DST: variants seen among roughly 807,000 people sequenced by gnomAD.
DST encodes dystonin.
DST carries 253 observed loss-of-function variants against 875.2 expected under a neutral mutation model. The ratio of observed to expected loss-of-function variants is 0.29; its 90% CI spans 0.26 to 0.32. The LOEUF is 0.32. DST is among the 10% of genes least tolerant of loss of function. The pLI is 1.00. For synonymous variants in DST, 3,124 were observed against 3,197.1 expected, an observed-to-expected ratio of 0.98 and a Z score of 0.77; for missense variants, 8,287 against 9,111.6, an observed-to-expected ratio of 0.91 and a Z score of 3.68.
At chr6:56,867,329 T>G (rs567878449) in intron 3 of DST, among the ~76,000 whole-genome samples, 5 of 152,224 alleles carry the variant, frequency 3.3e-5, no homozygotes, top group Admixed American at 6.5e-5. Flanking sequence ...AGGAAGTGCT[T>G]AAGAAATGCC....
intron 99 of DST, 72 bp downstream of exon 99, chr6:56,466,006 T>C: frequency 8.1e-7 from 1 of 1,234,494 alleles, no homozygotes; most frequent in South Asian, 1.3e-5. Context: ...TTATGCCCAG[T>C]ATGTTTTGGT....
intron 96 of DST, 63 bp downstream of exon 96, chr6:56,470,065 T>G (rs1455113487): frequency 8.7e-6 from 14 of 1,603,650 alleles, no homozygotes; most frequent in Non-Finnish European, 9.4e-6. Flanking sequence ...TTGTATGAAT[T>G]GTGCATGATA....
Position 56,650,928 on chromosome 6 carries a change from T to A in DST, c.1432A>T (p.Asn478Tyr). The A allele has an allele frequency of 6.3e-7, 1 of 1,599,986 alleles. No homozygotes were observed. Among genetic ancestry groups the A allele is most frequent in the Non-Finnish European group, 8.6e-7 (1 of 1,168,120 alleles). ...VPEGGEGIGA[N>Y]DVEVKWIEYQ... Reference sequence around the variant, plus strand: ...GGTGTGGAAAAATCAATACTCACATTTGCACCAATGCCTTCCCCACCTTCA... The same window carrying A: ...GGTGTGGAAAAATCAATACTCACATATGCACCAATGCCTTCCCCACCTTCA... The change falls in exon 12 of 104, where the codon AAT becomes TAT. Residue 478 changes from asparagine (N) to tyrosine (Y), a missense_variant and splice_region_variant. This residue lies in a region of DST where 1,160 missense variants were observed against 1,424.3 expected (regional missense o/e 0.81). Coordinates refer to ENST00000680361, the MANE Select transcript of DST (RefSeq NM_001374736.1).
rs183058313 is a variant in DST, at chr6:56,518,905, T to G, written c.18130-1285A>C. 2.0e-5 allele frequency among the ~76,000 whole-genome samples: 3 copies of G among 152,304 alleles called. No homozygotes were observed. The East Asian group carries it at 5.8e-4, about 29-fold the overall frequency. The stretch of plus-strand genomic sequence containing the variant: ...AGAAAGATGGGTGGAGATAAGAAAC[T>G]AGATTTTTAAAAATTCATACTTTAA... On this transcript the variant is annotated intron_variant, in intron 69 of 103. Coordinates refer to ENST00000680361, the MANE Select transcript of DST (RefSeq NM_001374736.1).
chr6:56,774,853 G>A (rs1166854437), intron 4 of DST, among the ~76,000 whole-genome samples: 1 of 151,950 alleles, frequency 6.6e-6, no homozygotes, highest in East Asian at 1.9e-4. Flanking sequence ...TTAGCCAGGC[G>A]TGGTAGTGCA....
chr6:56,749,559 T>C lies in DST; in HGVS notation c.626-14270A>G, dbSNP rs374197623. On this transcript the variant is annotated intron_variant, in intron 4 of 103. Transcript: ENST00000680361. ...AATATTCATATAAGAAGTTCCATTT[T>C]TCATGAAAAAAAGTGATCTAGAATT... Among the ~76,000 whole-genome samples the C allele has an allele frequency of 2.1e-4, 32 of 152,312 alleles. No individual in the cohort carries two copies. The East Asian group carries it at 5.4e-3, about 26-fold the overall frequency.
chr6:56,895,003 C>T (rs1196900440), intron 3 of DST, among the ~76,000 whole-genome samples: 1 of 109,632 alleles, frequency 9.1e-6, no homozygotes, highest in Admixed American at 7.9e-5. Context: ...ACCTCCCTCC[C>T]GGACTGGGCG....
intron 15 of DST, chr6:56,642,885 C>G: frequency 1.3e-6 from 2 of 1,590,730 alleles, no homozygotes; most frequent in South Asian, 2.2e-5. Flanking sequence ...TGAAAAGTGG[C>G]AGCTGAATAT....
At chr6:56,641,198 G>C (rs2098896800) in intron 17 of DST, among the ~76,000 whole-genome samples, 1 of 151,662 alleles carries the variant, frequency 6.6e-6, no homozygotes, top group South Asian at 2.1e-4. Flanking sequence ...ACACTTCTCA[G>C]TGATAAAGGT....
At chr6:56,871,640 T>C (rs1777153392) in intron 3 of DST, 1 of 747,072 alleles carries the variant, frequency 1.3e-6, no homozygotes. Flanking sequence ...AGATGATCCT[T>C]ACTGAAAAGG....
chr6:56,943,381 A>T (rs1817679624), intron 2 of DST, among the ~76,000 whole-genome samples: 2 of 107,806 alleles, frequency 1.9e-5, no homozygotes, highest in Non-Finnish European at 4.4e-5. Context: ...CCTTTAAATT[A>T]AAAAAAAAAA....
In DST at chr6:56,568,572, T is replaced by G; in HGVS notation, c.13902A>C (p.Leu4634Phe). 6.2e-7 allele frequency: 1 copy of G among 1,608,496 alleles called. No individual in the cohort carries two copies. The highest frequency in any genetic ancestry group is 8.5e-7 in the Non-Finnish European group (1 of 1,177,392). ...DTKKLQEKWS[L>F]KTPEIQKVNN... is the part of the protein sequence containing the mutation. ...TTACTTTCTGAATCTCTGGTGTTTT[T>G]AAACTCCACTTTTCTTGTAATTTCT... Residue 4634 changes from leucine to phenylalanine, a missense_variant, in exon 55 of 104, where the codon TTA becomes TTC. Coordinates refer to ENST00000680361, the MANE Select transcript of DST (RefSeq NM_001374736.1).
chr6:56,867,547 T>C (rs1436099072), intron 3 of DST, among the ~76,000 whole-genome samples: 1 of 152,198 alleles, frequency 6.6e-6, no homozygotes, highest in Non-Finnish European at 1.5e-5. Context: ...CTTGGCTGGA[T>C]GCGGAGGCTC....
intron 4 of DST, among the ~76,000 whole-genome samples, chr6:56,824,507 G>A (rs2099777136): frequency 6.6e-6 from 1 of 151,312 alleles, no homozygotes; most frequent in Admixed American, 6.6e-5. Flanking sequence ...TGGCTGCCCA[G>A]TCTGGAAAGT....
At chr6:56,860,128 C>T (rs1770230735) in intron 3 of DST, among the ~76,000 whole-genome samples, 1 of 152,144 alleles carries the variant, frequency 6.6e-6, no homozygotes, top group African/African-American at 2.4e-5. Flanking sequence ...TAGTGGTTTC[C>T]CCTTTAAAGA....
intron 17 of DST, among the ~76,000 whole-genome samples, chr6:56,641,176 AC>A (rs1367189533): frequency 1.3e-5 from 2 of 151,586 alleles, no homozygotes; most frequent in Non-Finnish European, 2.9e-5. Flanking sequence ...TTCCATACTT[AC>A]CCCCATACAC....
Position 56,604,156 on chromosome 6 carries a change from T to A in DST, c.10472A>T (p.Asn3491Ile), listed in dbSNP as rs780600201. The change falls in exon 40 of 104, where the codon AAT becomes ATT. Residue 3491 changes from asparagine (N) to isoleucine (I), a missense_variant. By Grantham distance (149) the Asn-to-Ile change is moderately radical. Transcript: ENST00000680361. Reference sequence around the variant, plus strand: ...ATCAGCAAGCAGTTTGTAGAAAATATTTTCAAGCTGCAGTGGAAGTACTTT... The same window carrying A: ...ATCAGCAAGCAGTTTGTAGAAAATAATTTCAAGCTGCAGTGGAAGTACTTT... ...TSKVLPLQLENIFYKLLADGY... is the reference protein window; with the variant it reads ...TSKVLPLQLEIIFYKLLADGY... 2 of 1,591,462 alleles carry A rather than the reference T, an allele frequency of 1.3e-6. No homozygotes were observed. The highest frequency in any genetic ancestry group is 1.1e-5 in the South Asian group (1 of 88,282).
chr6:56,953,681 C>T (rs1267896720), intron 2 of DST, 104 bp downstream of exon 2: 2 of 798,478 alleles, frequency 2.5e-6, no homozygotes, highest in Non-Finnish European at 1.8e-6. Context: ...ACAGCATGTT[C>T]GTCATTCAGT....
chr6:56,860,827 G>A (rs976716905), intron 3 of DST, among the ~76,000 whole-genome samples: 1 of 152,100 alleles, frequency 6.6e-6, no homozygotes, highest in African/African-American at 2.4e-5. Flanking sequence ...AGGATACAAA[G>A]TCCATGAGTT....
Sources: allele counts gnomAD v4.1 joint callset (sites outside exome capture counted in the v4.1 genomes callset), GRCh38; gene constraint gnomAD v4.1.1; regional missense constraint gnomAD v4.1.1; transcripts MANE v1.5; gene names NCBI Gene and HGNC (gene_info 2026-07-23, HGNC 2026-07-21).